The following FBXO34 variants were observed in gnomAD, a reference collection of about 807,000 sequenced individuals.
FBXO34 encodes the protein F-box only protein 34.
Under a neutral mutation model 24.5 loss-of-function variants are expected in FBXO34, and 12 were observed. The ratio of observed to expected loss-of-function variants is 0.49; its 90% CI spans 0.31 to 0.79. The LOEUF is 0.79. Among genes scored for constraint, FBXO34 ranks in the 30% least tolerant of loss-of-function variants. The probability of loss-of-function intolerance (pLI) is 0.04; values close to 1 mark genes in which losing one functional copy is unlikely to be tolerated. For missense variants in FBXO34, 823 were observed against 857.7 expected (o/e 0.96, Z 0.51); for synonymous variants, 320 against 311.9 (o/e 1.03, Z -0.27).
the FBXO34 span, chr14:55,380,636 G>A: frequency 6.2e-7 from 1 of 1,613,254 alleles, no homozygotes; most frequent in South Asian, 1.1e-5. Context: ...GACCAGCTGA[G>A]TTGCATAGCA....
rs536693092 is a variant in FBXO34 at position 55,291,535 on chromosome 14, T to A, written c.-11+19998T>A. On this transcript the variant is annotated intron_variant, in intron 1 of 1. Coordinates refer to ENST00000313833, the MANE Select transcript of FBXO34 (RefSeq NM_017943.4). ...AGGGTAATAATGTATTCTTTAGGAG[T>A]TTTTAAATTAAAAAGTAGGTTAGGG... is the stretch of plus-strand genomic sequence containing the variant. 2.0e-5 allele frequency among the ~76,000 whole-genome samples: 3 copies of A among 151,556 alleles called. No individual in the cohort carries two copies. The East Asian group carries it at 5.8e-4, about 29-fold the overall frequency.
intron 1 of FBXO34, among the ~76,000 whole-genome samples, chr14:55,342,369 A>G (rs1884020483): frequency 6.6e-6 from 1 of 152,156 alleles, no homozygotes; most frequent in Non-Finnish European, 1.5e-5. Context: ...CACTAACCCT[A>G]ACCACCCAGT....
the FBXO34 span, among the ~76,000 whole-genome samples, chr14:55,377,462 T>C: frequency 6.6e-6 from 1 of 152,082 alleles, no homozygotes; most frequent in Non-Finnish European, 1.5e-5. Context: ...CACAGCTTTT[T>C]ATAAAGGGGT....
chr14:55,274,885 G>A (rs1881283129), intron 1 of FBXO34, among the ~76,000 whole-genome samples: 1 of 152,154 alleles, frequency 6.6e-6, no homozygotes, highest in South Asian at 2.1e-4. Context: ...AAGCTACTAT[G>A]GTATGATGAA....
chr14:55,297,086 T>G (rs538083850), intron 1 of FBXO34, among the ~76,000 whole-genome samples: 1 of 152,296 alleles, frequency 6.6e-6, no homozygotes, highest in African/African-American at 2.4e-5. Context: ...TTGGCTGCCC[T>G]TTACAGTACA....
intron 1 of FBXO34, among the ~76,000 whole-genome samples, chr14:55,334,208 C>T (rs767570568): frequency 1.3e-5 from 2 of 152,148 alleles, no homozygotes; most frequent in Non-Finnish European, 2.9e-5. Context: ...AAGCAGGGCG[C>T]TAATCAGGTG....
intron 1 of FBXO34, among the ~76,000 whole-genome samples, chr14:55,316,423 C>G (rs138420131): frequency 6.8e-6 from 1 of 148,136 alleles, no homozygotes; most frequent in South Asian, 2.1e-4. Flanking sequence ...CCTGTCTCTA[C>G]AAAAATAAAA....
the FBXO34 span, chr14:55,395,980 A>G: frequency 2.0e-5 from 31 of 1,586,088 alleles, no homozygotes; most frequent in East Asian, 6.8e-4. Flanking sequence ...AGCTTTTAAC[A>G]CTCTGTGAGG....
chr14:55,296,609 G>T (rs1172412169), intron 1 of FBXO34, among the ~76,000 whole-genome samples: 2 of 151,754 alleles, frequency 1.3e-5, no homozygotes, highest in African/African-American at 4.8e-5. Context: ...TATTGCCCAG[G>T]CTGATCTTGA....
chr14:55,281,629 C>T (rs1398412377), intron 1 of FBXO34, among the ~76,000 whole-genome samples: 1 of 152,204 alleles, frequency 6.6e-6, no homozygotes, highest in Non-Finnish European at 1.5e-5. Context: ...CCTTTCATTT[C>T]TCCAAATATT....
the FBXO34 span, among the ~76,000 whole-genome samples, chr14:55,431,118 C>T: frequency 6.6e-6 from 1 of 152,168 alleles, no homozygotes; most frequent in Non-Finnish European, 1.5e-5. Flanking sequence ...CACAGGTATC[C>T]CTCATACTCT....
At chr14:55,430,875 C>T in the FBXO34 span, among the ~76,000 whole-genome samples, 2 of 152,168 alleles carry the variant, frequency 1.3e-5, no homozygotes, top group Non-Finnish European at 2.9e-5. Context: ...TATTACATTT[C>T]CCGTAATGTA....
chr14:55,298,613 G>C (rs889789174), intron 1 of FBXO34: 9 of 1,154,770 alleles, frequency 7.8e-6, no homozygotes, highest in Non-Finnish European at 7.4e-6. Context: ...AGCCCAGCCG[G>C]AGCGGGCGTT....
chr14:55,411,457 G>A, the FBXO34 span: 7 of 817,320 alleles, frequency 8.6e-6, no homozygotes, highest in Non-Finnish European at 1.3e-5. Flanking sequence ...AAGCTCCGGT[G>A]CAGAGCAGCT....
the FBXO34 span, among the ~76,000 whole-genome samples, chr14:55,441,082 G>A: frequency 6.6e-6 from 1 of 152,140 alleles, no homozygotes; most frequent in Non-Finnish European, 1.5e-5. Context: ...CTGACCTCAG[G>A]TGATCCACCC....
chr14:55,354,511 C>T (rs939789182), downstream of FBXO34: 1 of 152,248 alleles, frequency 6.6e-6, no homozygotes, highest in African/African-American at 2.4e-5. Context: ...ATCAGCCACT[C>T]TTGATCTGGT....
chr14:55,402,373 G>A, the FBXO34 span, among the ~76,000 whole-genome samples: 3 of 151,852 alleles, frequency 2.0e-5, no homozygotes, highest in East Asian at 1.9e-4. Flanking sequence ...GCAATTGAGG[G>A]CCTAAAAAAA....
At chr14:55,297,491 A>G (rs1355234790) in intron 1 of FBXO34, among the ~76,000 whole-genome samples, 3 of 152,208 alleles carry the variant, frequency 2.0e-5, no homozygotes, top group Non-Finnish European at 2.9e-5. Context: ...TTTAAAATAC[A>G]TGTTAAATGC....
rs35698574 is a variant in FBXO34, at chr14:55,331,761, G to GTATA, written c.-10-18605_-10-18602dup. 4.7e-4 allele frequency among the ~76,000 whole-genome samples: 14 copies of GTATA among 29,998 alleles called. 5 individuals carry two copies. In the South Asian group the frequency reaches 5.3e-3, roughly 11 times the overall value. 19.7% of individuals were successfully genotyped at this position (29,998 alleles called of 152,430 possible). ...TATATGTGTGTATATATATATATAT[G>GTATA]TATATATATATATATATACCACCAT... On this transcript the variant is annotated intron_variant, in intron 1 of 1. Coordinates refer to ENST00000313833, the MANE Select transcript of FBXO34 (RefSeq NM_017943.4).
Sources: allele counts gnomAD v4.1 joint callset (sites outside exome capture counted in the v4.1 genomes callset), GRCh38; gene constraint gnomAD v4.1.1; transcripts MANE v1.5; gene names NCBI Gene and HGNC (gene_info 2026-07-23, HGNC 2026-07-21).